Variants in NOS1 observed in about 807,000 individuals in gnomAD.
NOS1 encodes the protein NOS type I.
A neutral mutation model predicts 164.5 loss-of-function variants in NOS1; 51 were observed. That is an observed-to-expected ratio of 0.31 (90% CI 0.25 to 0.39). NOS1 has a LOEUF of 0.39. Among genes scored for constraint, NOS1 ranks in the 10% least tolerant of loss-of-function variants. The probability of loss-of-function intolerance (pLI) is 1.00; values close to 1 mark genes in which losing one functional copy is unlikely to be tolerated. For synonymous variants in NOS1, 719 were observed against 745.8 expected (o/e 0.96, Z 0.59); for missense variants, 1,362 against 1,885.6 (o/e 0.72, Z 5.14).
In NOS1 at chr12:117,301,868, T is replaced by C; in HGVS notation, c.852+9598A>G. 5.0e-6 allele frequency: 2 copies of C among 399,856 alleles called. No individual in the cohort carries two copies. Among genetic ancestry groups the C allele is most frequent in the South Asian group, 1.8e-5 (1 of 54,614 alleles). The allele number at this position is 399,856 out of a possible 1,614,324, so 24.8% of individuals were successfully genotyped here. A position where few individuals can be genotyped will look rare whatever the true frequency, so the allele number is the denominator to read the frequency against. ...TGTAAAATGGGCACAGTGCTTCTTATCTGCCTCAAATTCGCAATATATTAT... is the reference window on the plus strand; with the variant it reads ...TGTAAAATGGGCACAGTGCTTCTTACCTGCCTCAAATTCGCAATATATTAT... On this transcript the variant is annotated intron_variant, in intron 3 of 28. Coordinates refer to ENST00000317775, the MANE Select transcript of NOS1 (RefSeq NM_000620.5).
chr12:117,248,292 C>G (rs1260250980), intron 17 of NOS1, among the ~76,000 whole-genome samples: 1 of 151,726 alleles, frequency 6.6e-6, no homozygotes, highest in African/African-American at 2.4e-5. Flanking sequence ...GTGTGCTGCA[C>G]CCACTAACTC....
intron 21 of NOS1, among the ~76,000 whole-genome samples, chr12:117,233,370 A>G (rs575681169): frequency 8.3e-4 from 125 of 150,000 alleles, no homozygotes; most frequent in African/African-American, 3.0e-3. Context: ...TAATTTTTGT[A>G]TTTTTTTTGT....
intron 1 of NOS1, among the ~76,000 whole-genome samples, chr12:117,337,980 C>G (rs754329429): frequency 6.6e-6 from 1 of 151,970 alleles, no homozygotes; most frequent in African/African-American, 2.4e-5. Context: ...TTTGGGAGGC[C>G]GAGGCAGGTG....
At chr12:117,333,755 C>T (rs1176595247) in intron 1 of NOS1, among the ~76,000 whole-genome samples, 4 of 152,156 alleles carry the variant, frequency 2.6e-5, no homozygotes, top group Non-Finnish European at 5.9e-5. Flanking sequence ...GGGTGTCAAC[C>T]GGCTGAGTGT....
intron 20 of NOS1, among the ~76,000 whole-genome samples, chr12:117,236,237 G>A (rs1306292543): frequency 1.3e-5 from 2 of 152,050 alleles, no homozygotes; most frequent in East Asian, 1.9e-4. Context: ...GGCTAGAGAC[G>A]CTTGATATTC....
chr12:117,359,876 TTATATATATATATATATATA>T (rs56787288), intron 1 of NOS1, among the ~76,000 whole-genome samples: 462 of 36,950 alleles, frequency 0.013, 13 homozygotes, highest in African/African-American at 0.015. Context: ...AATAATGGTT[TTATATATATATATATATATA>T]TATATATATA....
At chr12:117,343,778 T>A (rs1464221650) in intron 1 of NOS1, among the ~76,000 whole-genome samples, 1 of 152,214 alleles carries the variant, frequency 6.6e-6, no homozygotes, top group East Asian at 1.9e-4. Context: ...CTTTCTGGTG[T>A]AGGGGAGCTG....
At chr12:117,316,633 T>G (rs769523653) in intron 2 of NOS1, among the ~76,000 whole-genome samples, 1 of 152,006 alleles carries the variant, frequency 6.6e-6, no homozygotes, top group Non-Finnish European at 1.5e-5. Flanking sequence ...CCCAGAGAGA[T>G]TAGGTAATTT....
rs1956530056 is a variant in NOS1, at chr12:117,211,630, T to C, written c.*3679A>G. 2.0e-6 allele frequency: 2 copies of C among 985,572 alleles called. No individual in the cohort carries two copies. Among genetic ancestry groups the C allele is most frequent in the Non-Finnish European group, 1.2e-6 (1 of 830,046 alleles). The allele number at this position is 985,572 out of a possible 1,614,324, so 61.1% of individuals were successfully genotyped here. A position where few individuals can be genotyped will look rare whatever the true frequency, so the allele number is the denominator to read the frequency against. ...AAAGCCAGCCTCAATTTATCTTACATGCTCCCTGTCCGTGCCTTTCCTCTC... is the reference window on the plus strand; with the variant it reads ...AAAGCCAGCCTCAATTTATCTTACACGCTCCCTGTCCGTGCCTTTCCTCTC... On this transcript the variant is annotated 3_prime_UTR_variant, in exon 29 of 29. Coordinates refer to ENST00000317775, the MANE Select transcript of NOS1 (RefSeq NM_000620.5).
intron 17 of NOS1, among the ~76,000 whole-genome samples, chr12:117,248,286 G>T (rs1339709919): frequency 1.3e-5 from 2 of 151,650 alleles, no homozygotes; most frequent in African/African-American, 4.9e-5. Flanking sequence ...ATGCTGGTGT[G>T]CTGCACCCAC....
chr12:117,280,828 T>C lies in NOS1; in HGVS notation c.1421A>G (p.Lys474Arg), dbSNP rs2136010733. The change falls in exon 8 of 29, where the codon AAG becomes AGG. Residue 474 changes from lysine (K) to arginine (R), a missense_variant. Coordinates refer to ENST00000317775, the MANE Select transcript of NOS1 (RefSeq NM_000620.5). ...GGAGTTCCAGACTCGGAAGTCGTGCTTGCCGTCTGTCCTCTGGGGGAATAT... is the reference window on the plus strand; with the variant it reads ...GGAGTTCCAGACTCGGAAGTCGTGCCTGCCGTCTGTCCTCTGGGGGAATAT... ...ITIFPQRTDG[K>R]HDFRVWNSQL... 1 of 1,614,206 alleles carries C rather than the reference T, an allele frequency of 6.2e-7. No individual in the cohort carries two copies. The highest frequency in any genetic ancestry group is 8.5e-7 in the Non-Finnish European group (1 of 1,180,038).
intron 17 of NOS1, 44 bp from the exon 18 acceptor site, chr12:117,247,566 G>A (rs776963429): frequency 7.1e-6 from 11 of 1,550,836 alleles, no homozygotes; most frequent in Admixed American, 5.8e-5. Flanking sequence ...GGACTGTGGG[G>A]AATGTGGGGA....
intron 1 of NOS1, among the ~76,000 whole-genome samples, chr12:117,345,038 T>C (rs1310800189): frequency 3.4e-5 from 5 of 148,578 alleles, no homozygotes; most frequent in African/African-American, 4.9e-5. Context: ...TTGCTTTTTT[T>C]TTTTTTTTTT....
chr12:117,332,444 A>G (rs1875592253), intron 1 of NOS1, among the ~76,000 whole-genome samples: 1 of 152,132 alleles, frequency 6.6e-6, no homozygotes, highest in Non-Finnish European at 1.5e-5. Context: ...TTTATATTAT[A>G]GTACAGGTAT....
intron 22 of NOS1, among the ~76,000 whole-genome samples, chr12:117,229,181 C>A (rs1006654587): frequency 6.6e-6 from 1 of 152,200 alleles, no homozygotes; most frequent in Non-Finnish European, 1.5e-5. Context: ...GGACCAAGAG[C>A]CCTGGCCTCT....
intron 8 of NOS1, among the ~76,000 whole-genome samples, chr12:117,279,659 G>T (rs1397824661): frequency 6.6e-6 from 1 of 152,224 alleles, no homozygotes; most frequent in Admixed American, 6.5e-5. Context: ...GCTCAGCAAG[G>T]TTTCCAGAGA....
chr12:117,321,357 G>A (rs1033132331), intron 2 of NOS1, among the ~76,000 whole-genome samples: 1 of 152,204 alleles, frequency 6.6e-6, no homozygotes, highest in Non-Finnish European at 1.5e-5. Context: ...CAAGGGCAGA[G>A]GTTCACCATG....
chr12:117,210,370 T>C lies in NOS1; in HGVS notation c.*4939A>G. 1.0e-6 allele frequency: 1 copy of C among 985,286 alleles called. No homozygotes were observed. Among genetic ancestry groups the C allele is most frequent in the Non-Finnish European group, 1.2e-6 (1 of 829,904 alleles). The allele number at this position is 985,286 out of a possible 1,614,324, so 61.0% of individuals were successfully genotyped here. The stretch of plus-strand genomic sequence containing the variant: ...TGAATGGGTTATAAAGGAAGACTAG[T>C]TAGTGTTTCTCTCTCCTTGTTGCTT... On this transcript the variant is annotated 3_prime_UTR_variant, in exon 29 of 29. Transcript: ENST00000317775.
rs543085143 is a variant in NOS1, at chr12:117,222,538, G to A, written c.3975+177C>T. ...CAAAGTGTTGGGATTACAGGCGCTC[G>A]GCCTGTTAAATATTTTACATAGATA... On this transcript the variant is annotated intron_variant, in intron 26 of 28. Coordinates refer to ENST00000317775, the MANE Select transcript of NOS1 (RefSeq NM_000620.5). Among the ~76,000 whole-genome samples the A allele has an allele frequency of 4.1e-4, 62 of 152,290 alleles. 1 individual carries two copies. The South Asian group carries it at 9.3e-3, about 23-fold the overall frequency.
Sources: allele counts gnomAD v4.1 joint callset (sites outside exome capture counted in the v4.1 genomes callset), GRCh38; gene constraint gnomAD v4.1.1; transcripts MANE v1.5; gene names NCBI Gene and HGNC (gene_info 2026-07-23, HGNC 2026-07-21).